KLF8: variants seen among roughly 807,000 people sequenced by gnomAD.
KLF8 encodes Krueppel-like factor 8.
A neutral mutation model predicts 18.2 loss-of-function variants in KLF8; 10 were observed. That is an observed-to-expected ratio of 0.55 (90% CI 0.34 to 0.93). The LOEUF is 0.93. Ranked by LOEUF, KLF8 falls within the 40% of genes least tolerant of loss-of-function variation. The pLI is 0.02. For missense variants in KLF8, 264 were observed against 277.9 expected (o/e 0.95, Z 0.36); for synonymous variants, 109 against 97.3 (o/e 1.12, Z -0.71).
the KLF8 span, among the ~76,000 whole-genome samples, chrX:56,158,465 A>G: frequency 2.2e-4 from 25 of 112,075 alleles, no homozygotes; most frequent in East Asian, 4.5e-3. Context: ...CATTGAATCT[A>G]TAAATTCCCT....
In KLF8 at chrX:56,265,303, G is replaced by A. The variant is rs774753989; in HGVS notation, c.205G>A (p.Glu69Lys). 1.2e-5 allele frequency: 14 copies of A among 1,207,305 alleles called. No homozygotes were observed. Among genetic ancestry groups the A allele is most frequent in the Non-Finnish European group, 6.7e-6 (6 of 892,973 alleles). ...NPALFNDIKI[E>K]PPEELLASDF... is the part of the protein sequence containing the mutation. The stretch of plus-strand genomic sequence containing the variant: ...AGCACTGTTTAATGACATCAAGATT[G>A]AGCCCCCAGAAGAACTTTTGGCTAG... The change falls in exon 3 of 6, where the codon GAG becomes AAG. Residue 69 changes from glutamate (E) to lysine (K), a missense_variant. Coordinates refer to ENST00000468660, the MANE Select transcript of KLF8 (RefSeq NM_007250.5).
At chrX:56,142,802 T>C in the KLF8 span, among the ~76,000 whole-genome samples, 1 of 111,934 alleles carries the variant, frequency 8.9e-6, no homozygotes, top group South Asian at 3.7e-4. Context: ...TGGAAGTCTC[T>C]GTGACACTCT....
the KLF8 span, among the ~76,000 whole-genome samples, chrX:56,134,081 C>G: frequency 9.0e-6 from 1 of 111,319 alleles, no homozygotes; most frequent in African/African-American, 3.3e-5. Context: ...TGAAAATGAC[C>G]ATACTGCTAA....
At chrX:56,061,627 G>C in the KLF8 span, among the ~76,000 whole-genome samples, 36 of 111,795 alleles carry the variant, frequency 3.2e-4, no homozygotes, top group Admixed American at 1.0e-3. Context: ...GTGCTGAGAA[G>C]AATGTATATT....
chrX:56,043,699 C>T, the KLF8 span, among the ~76,000 whole-genome samples: 628 of 112,080 alleles, frequency 5.6e-3, 2 homozygotes, highest in Middle Eastern at 0.018. Flanking sequence ...CTATCAGCTC[C>T]TGCATTGTTT....
chrX:56,207,502 C>T, the KLF8 span, among the ~76,000 whole-genome samples: 1 of 111,679 alleles, frequency 9.0e-6, no homozygotes, highest in Admixed American at 9.6e-5. Context: ...TATCATCTTT[C>T]TCAATTTCAA....
chrX:55,932,643 A>T, the KLF8 span, among the ~76,000 whole-genome samples: 1 of 111,622 alleles, frequency 9.0e-6, no homozygotes, highest in African/African-American at 3.3e-5. Context: ...GTTTGGCTGG[A>T]TATGAAATTC....
the KLF8 span, among the ~76,000 whole-genome samples, chrX:55,940,212 C>T: frequency 1.8e-5 from 2 of 111,850 alleles, no homozygotes; most frequent in East Asian, 5.6e-4. Context: ...GGGATGCAAG[C>T]CTGGTTTAAC....
At chrX:56,090,515 G>T in the KLF8 span, among the ~76,000 whole-genome samples, 3 of 111,982 alleles carry the variant, frequency 2.7e-5, no homozygotes, top group Non-Finnish European at 5.6e-5. Flanking sequence ...TCCATTCTTA[G>T]TGGGGATAAA....
chrX:56,190,347 C>A, the KLF8 span, among the ~76,000 whole-genome samples: 6 of 111,234 alleles, frequency 5.4e-5, no homozygotes, highest in South Asian at 2.3e-3. Flanking sequence ...ATCATTAGAG[C>A]TAAAAAAGAG....
At chrX:55,963,896 T>TA in the KLF8 span, among the ~76,000 whole-genome samples, 2 of 108,594 alleles carry the variant, frequency 1.8e-5, no homozygotes, top group Non-Finnish European at 3.8e-5. Context: ...CAATTTTTTT[T>TA]AAAAAAGCCA....
At chrX:56,059,557 C>T in the KLF8 span, among the ~76,000 whole-genome samples, 1 of 112,007 alleles carries the variant, frequency 8.9e-6, no homozygotes, top group Non-Finnish European at 1.9e-5. Flanking sequence ...GGTCCAGTTT[C>T]AGTTTTCTGC....
At chrX:56,016,931 A>G in the KLF8 span, among the ~76,000 whole-genome samples, 1 of 112,147 alleles carries the variant, frequency 8.9e-6, no homozygotes, top group Non-Finnish European at 1.9e-5. Context: ...TGGATATGTT[A>G]TAAAGTAAAC....
At chrX:56,127,787 A>G in the KLF8 span, among the ~76,000 whole-genome samples, 8 of 112,711 alleles carry the variant, frequency 7.1e-5, no homozygotes, top group South Asian at 2.9e-3. Context: ...ATAAAGATGG[A>G]AAATAATTAT....
the KLF8 span, among the ~76,000 whole-genome samples, chrX:55,928,324 T>C: frequency 8.9e-6 from 1 of 111,815 alleles, no homozygotes; most frequent in Non-Finnish European, 1.9e-5. Context: ...GTTAAGATTG[T>C]CTAGATTGTC....
At chrX:56,057,186 C>A in the KLF8 span, among the ~76,000 whole-genome samples, 1 of 111,627 alleles carries the variant, frequency 9.0e-6, no homozygotes, top group Non-Finnish European at 1.9e-5. Context: ...TGTGTGCATT[C>A]TTTTTGTGCC....
At chrX:56,200,308 G>T in the KLF8 span, among the ~76,000 whole-genome samples, 5 of 109,966 alleles carry the variant, frequency 4.5e-5, no homozygotes, top group Non-Finnish European at 1.9e-5. Flanking sequence ...ATTAAAAAAA[G>T]GTGAACCAAT....
chrX:56,070,825 A>G, the KLF8 span, among the ~76,000 whole-genome samples: 1 of 112,815 alleles, frequency 8.9e-6, no homozygotes, highest in Non-Finnish European at 1.9e-5. Flanking sequence ...AAATATCTGA[A>G]TGTATCTAAC....
the KLF8 span, among the ~76,000 whole-genome samples, chrX:56,150,038 G>A: frequency 8.9e-6 from 1 of 111,983 alleles, no homozygotes; most frequent in Admixed American, 9.5e-5. Flanking sequence ...TGAATGTTGG[G>A]CAGGAGGTCC....
Sources: gnomAD v4.1 joint callset for allele counts (sites outside exome capture counted in the v4.1 genomes callset) on GRCh38, gnomAD v4.1.1 for gene constraint, MANE v1.5 for transcripts, NCBI Gene and HGNC (gene_info 2026-07-23, HGNC 2026-07-21) for gene names.